RBMXL1: variants seen among roughly 807,000 people sequenced by gnomAD.
RBMXL1 encodes the protein RNA binding motif protein, X-linked-like-1.
In RBMXL1, 18 loss-of-function variants were observed where a neutral mutation model predicts 29.0. The ratio of observed to expected loss-of-function variants is 0.62; its 90% CI spans 0.43 to 0.92. The LOEUF (loss-of-function observed/expected upper bound fraction) is 0.92. Ranked by LOEUF, RBMXL1 falls within the 40% of genes least tolerant of loss-of-function variation. The pLI, the probability that RBMXL1 is intolerant of heterozygous loss-of-function variation, is 0.00. For missense variants in RBMXL1, 403 were observed against 495.8 expected (o/e 0.81, Z 1.78); for synonymous variants, 141 against 170.4 (o/e 0.83, Z 1.34).
intron 1 of RBMXL1, among the ~76,000 whole-genome samples, chr1:88,990,697 T>C (rs1677742965): frequency 6.6e-6 from 1 of 152,210 alleles, no homozygotes; most frequent in African/African-American, 2.4e-5. Flanking sequence ...AATCTCATTG[T>C]GTAAGGAACT....
In RBMXL1 at chr1:88,988,217, G is replaced by A. The variant is rs778842802; in HGVS notation, c.-241+35C>T. On this transcript the variant is annotated intron_variant, in intron 2 of 2. Transcript: ENST00000652648. ...ATATTTTTTGGACAGTGCAGAATAT[G>A]TACAATAATTTATCTGTAAGTAAGC... is the stretch of plus-strand genomic sequence containing the variant. The A allele has an allele frequency of 3.6e-6, 5 of 1,400,916 alleles. No homozygotes were observed. In the South Asian group the frequency reaches 4.8e-5, roughly 13 times the overall value. 86.8% of individuals were successfully genotyped at this position (1,400,916 alleles called of 1,614,324 possible). A position where few individuals can be genotyped will look rare whatever the true frequency, so the allele number is the denominator to read the frequency against.
Position 88,983,340 on chromosome 1 carries a change from T to C in RBMXL1, c.487A>G (p.Lys163Glu), listed in dbSNP as rs762593062. The C allele has an allele frequency of 1.9e-6, 3 of 1,613,996 alleles. No individual in the cohort carries two copies. Among genetic ancestry groups the C allele is most frequent in the Non-Finnish European group, 2.5e-6 (3 of 1,179,966 alleles). ...PPPRSGGPSP[K>E]RSAPSGLVRS... ...ACTAGTCCTGAAGGTGCAGATCTCT[T>C]AGGAGAAGGACCCCCACTTCTTGGT... The change falls in exon 3 of 3, where the codon AAG becomes GAG. Residue 163 changes from lysine (K) to glutamate (E), a missense_variant. By Grantham distance (56) the Lys-to-Glu change is moderately conservative. Coordinates refer to ENST00000652648, the MANE Select transcript of RBMXL1 (RefSeq NM_001162536.3).
rs560900375 is a variant in RBMXL1, at chr1:88,983,412, T to A, written c.415A>T (p.Asn139Tyr). ...AGTGGTCCCCTGGAAGAACTCATGT[T>A]AAAATTCATGGAATATCCACCATCA... ...MDDGGYSMNF[N>Y]MSSSRGPLPV... The change falls in exon 3 of 3, where the codon AAC becomes TAC. Residue 139 changes from asparagine to tyrosine, a missense_variant. Coordinates refer to ENST00000652648, the MANE Select transcript of RBMXL1 (RefSeq NM_001162536.3). 3 of 1,614,212 alleles carry A rather than the reference T, an allele frequency of 1.9e-6. No individual in the cohort carries two copies. The Admixed American group carries it at 5.0e-5, about 27-fold the overall frequency.
intron 2 of RBMXL1, among the ~76,000 whole-genome samples, chr1:88,985,238 C>T (rs991604312): frequency 2.0e-5 from 3 of 152,122 alleles, no homozygotes; most frequent in South Asian, 2.1e-4. Flanking sequence ...GAAGGGAGTG[C>T]GTGAGTATTG....
chr1:88,983,097 G>A lies in RBMXL1; in HGVS notation c.730C>T (p.Arg244Cys), dbSNP rs778755688. Residue 244 changes from arginine to cysteine, a missense_variant, in exon 3 of 3, where the codon CGT (arginine) becomes TGT (cysteine). Coordinates refer to ENST00000652648, the MANE Select transcript of RBMXL1 (RefSeq NM_001162536.3). ...YAPPPRDYTY[R>C]DYGHSSSRDD... ...CGTGAACTGGAATGACCATAATCAC[G>A]GTAAGTATAATCTCGTGGTGGTGGT... 8.1e-6 allele frequency: 13 copies of A among 1,612,342 alleles called. No individual in the cohort carries two copies. Among genetic ancestry groups the A allele is most frequent in the African/African-American group, 1.3e-5 (1 of 74,940 alleles).
In RBMXL1 at chr1:88,983,061, G is replaced by C. The variant is rs370642339; in HGVS notation, c.766C>G (p.Pro256Ala). Reference sequence around the variant, plus strand: ...TCTCTATCGCCATAGCCTCTTGATGGATAGTCATCACGTGAACTGGAATGA... The same window carrying C: ...TCTCTATCGCCATAGCCTCTTGATGCATAGTCATCACGTGAACTGGAATGA... ...YGHSSSRDDY[P>A]SRGYGDRDGY... Residue 256 changes from proline (P) to alanine (A), a missense_variant, in exon 3 of 3, where the codon CCA (proline) becomes GCA (alanine). Coordinates refer to ENST00000652648, the MANE Select transcript of RBMXL1 (RefSeq NM_001162536.3). The C allele has an allele frequency of 8.7e-6, 14 of 1,612,416 alleles. No homozygotes were observed. The African/African-American group carries it at 1.9e-4, about 22-fold the overall frequency.
intron 2 of RBMXL1, among the ~76,000 whole-genome samples, chr1:88,986,208 GAC>G (rs1337613059): frequency 1.2e-4 from 18 of 150,920 alleles, no homozygotes; most frequent in African/African-American, 4.4e-4. Flanking sequence ...GAGAGAGAGA[GAC>G]AGAGAGAGTT....
In RBMXL1 at chr1:88,983,662, G is replaced by A. The variant is rs139883421; in HGVS notation, c.165C>T (p.Thr55=). The A allele has an allele frequency of 4.9e-5, 79 of 1,613,802 alleles. No homozygotes were observed. The African/African-American group carries it at 8.7e-4, about 18-fold the overall frequency. Residue 55 remains threonine, a synonymous_variant, in exon 3 of 3, where the codon ACC becomes ACT. Coordinates refer to ENST00000652648, the MANE Select transcript of RBMXL1 (RefSeq NM_001162536.3). ...CCTTAGCGTCTGCTGGGCTTTCAAA[G>A]GTGACAAAAGCAAATCCTCTTGATT... The part of the protein sequence containing the change: ...TNKSRGFAFV[T]FESPADAKDA...
rs1677883185 is a variant in RBMXL1 at position 88,992,616 on chromosome 1, C to T, written c.-372G>A. The T allele has an allele frequency of 6.5e-6, 1 of 153,002 alleles. No homozygotes were observed. The highest frequency in any genetic ancestry group is 1.5e-5 in the Non-Finnish European group (1 of 68,648). 9.5% of individuals were successfully genotyped at this position (153,002 alleles called of 1,614,324 possible). On this transcript the variant is annotated 5_prime_UTR_variant, in exon 1 of 3. Transcript: ENST00000652648. ...GGTGCGGGAACCTCGCCTCCCTAGGCTCGAGTCCCGACTGGGCTTGAGGGC... is the reference window on the plus strand; with the variant it reads ...GGTGCGGGAACCTCGCCTCCCTAGGTTCGAGTCCCGACTGGGCTTGAGGGC...
intron 1 of RBMXL1, among the ~76,000 whole-genome samples, chr1:88,989,123 T>C (rs935221376): frequency 6.6e-6 from 1 of 152,240 alleles, no homozygotes; most frequent in Non-Finnish European, 1.5e-5. Flanking sequence ...TCTGAGAATG[T>C]TGTTCTCTTA....
Position 88,983,012 on chromosome 1 carries a change from T to C in RBMXL1, c.815A>G (p.Tyr272Cys), listed in dbSNP as rs748988549. ...DRDGYGRDRDYSDHPSGGSYR... is the reference protein window; with the variant it reads ...DRDGYGRDRDCSDHPSGGSYR... The stretch of plus-strand genomic sequence containing the variant: ...GGAACCTCCACTTGGATGATCTGAA[T>C]AGTCACGATCACGACCATATCCATC... The change falls in exon 3 of 3, where the codon TAT becomes TGT. Residue 272 changes from tyrosine to cysteine, a missense_variant. Coordinates refer to ENST00000652648, the MANE Select transcript of RBMXL1 (RefSeq NM_001162536.3). 13 of 1,612,950 alleles carry C rather than the reference T, an allele frequency of 8.1e-6. No individual in the cohort carries two copies. The African/African-American group carries it at 1.5e-4, about 18-fold the overall frequency.
chr1:88,988,645 T>C (rs1036405557), intron 1 of RBMXL1, among the ~76,000 whole-genome samples: 1 of 152,214 alleles, frequency 6.6e-6, no homozygotes, highest in Admixed American at 6.5e-5. Context: ...GTCAAGAGCA[T>C]TAAATTTCAG....
Position 88,984,368 on chromosome 1 carries a change from C to T in RBMXL1, c.-240-302G>A, listed in dbSNP as rs138825178. Among the ~76,000 whole-genome samples, 932 of 152,084 alleles carry T rather than the reference C, an allele frequency of 6.1e-3. 11 individuals are homozygous for T. The highest frequency in any genetic ancestry group is 0.019 in the African/African-American group (795 of 41,516). ...TAGCTTGGATTACCGGCATGCGCCA[C>T]CACACCTGGCTAATTTTTGTATTTT... On this transcript the variant is annotated intron_variant, in intron 2 of 2. Coordinates refer to ENST00000652648, the MANE Select transcript of RBMXL1 (RefSeq NM_001162536.3).
chr1:88,990,911 G>C (rs981476519), intron 1 of RBMXL1, among the ~76,000 whole-genome samples: 2 of 151,988 alleles, frequency 1.3e-5, no homozygotes, highest in African/African-American at 4.8e-5. Flanking sequence ...TCGAAAAGTT[G>C]GAGAAAATAA....
At chr1:88,989,268 A>G (rs2101102373) in intron 1 of RBMXL1, among the ~76,000 whole-genome samples, 1 of 152,322 alleles carries the variant, frequency 6.6e-6, no homozygotes, top group South Asian at 2.1e-4. Context: ...CAAACCCAGT[A>G]GTATACAAGA....
Position 88,982,566 on chromosome 1 carries a change from G to C in RBMXL1, c.*88C>G, listed in dbSNP as rs950158104. 3.2e-5 allele frequency: 48 copies of C among 1,482,720 alleles called. No homozygotes were observed. In the African/African-American group the frequency reaches 6.8e-4, roughly 21 times the overall value. 91.8% of individuals were successfully genotyped at this position (1,482,720 alleles called of 1,614,324 possible). ...AAAGGTAACACAATTTTTCCTTTTA[G>C]TAGTCCTTGGGTAGTTATGATAGAA... On this transcript the variant is annotated 3_prime_UTR_variant, in exon 3 of 3. Transcript: ENST00000652648.
At chr1:88,990,342 T>C (rs1570860858) in intron 1 of RBMXL1, among the ~76,000 whole-genome samples, 1 of 152,172 alleles carries the variant, frequency 6.6e-6, no homozygotes, top group South Asian at 2.1e-4. Context: ...TTGCTCATTT[T>C]ACTAGCTCTC....
rs928094593 is a variant in RBMXL1, at chr1:88,986,192, A to AG, written c.-241+2059_-241+2060insC. Among the ~76,000 whole-genome samples, 82 of 150,212 alleles carry AG rather than the reference A, an allele frequency of 5.5e-4. 1 individual carries two copies. In the East Asian group the frequency reaches 0.013, roughly 24 times the overall value. On this transcript the variant is annotated intron_variant, in intron 2 of 2. Coordinates refer to ENST00000652648, the MANE Select transcript of RBMXL1 (RefSeq NM_001162536.3). ...GTGAGAGACTGTATGAAAAAAAAAAAAGAGAGAGAGAGAGAGACAGAGAGA... is the reference window on the plus strand; with the variant it reads ...GTGAGAGACTGTATGAAAAAAAAAAAGAGAGAGAGAGAGAGAGACAGAGAGA...
At chr1:88,992,522 C>G (rs967700522) in intron 1 of RBMXL1, 63 bp downstream of exon 1, 3 of 152,578 alleles carry the variant, frequency 2.0e-5, no homozygotes, top group Non-Finnish European at 4.4e-5. Context: ...CCCCGTACGC[C>G]GGGACGGCCC....
Sources: gnomAD v4.1 joint callset for allele counts (sites outside exome capture counted in the v4.1 genomes callset) on GRCh38, gnomAD v4.1.1 for gene constraint, MANE v1.5 for transcripts, NCBI Gene and HGNC (gene_info 2026-07-23, HGNC 2026-07-21) for gene names.